Variants in SLC41A3 observed in about 807,000 individuals in gnomAD.
SLC41A3 encodes SLC41A1-like 2.
SLC41A3 carries 44 observed loss-of-function variants against 45.4 expected under a neutral mutation model. The observed-to-expected ratio is 0.97, with a 90% CI of 0.76 to 1.25. SLC41A3 has a LOEUF of 1.25. Among genes scored for constraint, SLC41A3 ranks in the 50% most tolerant of loss-of-function variants. SLC41A3 has a pLI of 0.00. For missense variants in SLC41A3, 550 were observed against 600.6 expected (o/e 0.92, Z 0.88); for synonymous variants, 256 against 252.4 (o/e 1.01, Z -0.13).
chr3:126,030,667 G>A (rs1241177716), intron 4 of SLC41A3, among the ~76,000 whole-genome samples: 1 of 152,190 alleles, frequency 6.6e-6, no homozygotes, highest in East Asian at 1.9e-4. Context: ...GAATGGGTGG[G>A]TGGATGGACA....
At chr3:126,096,501 G>T (rs1292617876) in intron 1 of SLC41A3, among the ~76,000 whole-genome samples, 2 of 152,158 alleles carry the variant, frequency 1.3e-5, no homozygotes, top group Non-Finnish European at 2.9e-5. Context: ...GAAGGTTGTG[G>T]GTTTACCAGA....
intron 1 of SLC41A3, chr3:126,070,230 C>T (rs1944551653): frequency 1.3e-5 from 2 of 152,200 alleles, no homozygotes; most frequent in Admixed American, 6.5e-5. Flanking sequence ...GGGTCCCCAA[C>T]CCCCGTTGGG....
At chr3:126,053,067 C>T (rs1943444868) in intron 2 of SLC41A3, among the ~76,000 whole-genome samples, 2 of 152,230 alleles carry the variant, frequency 1.3e-5, no homozygotes, top group Non-Finnish European at 2.9e-5. Context: ...CATCGGGTAT[C>T]ACACAACCGT....
intron 2 of SLC41A3, chr3:126,058,354 C>T (rs914706408): frequency 2.0e-5 from 3 of 152,304 alleles, no homozygotes; most frequent in African/African-American, 7.2e-5. Context: ...CCAGACCTCT[C>T]CTCTGAGCTT....
intron 1 of SLC41A3, among the ~76,000 whole-genome samples, chr3:126,090,103 A>G (rs1447493932): frequency 6.9e-6 from 1 of 145,004 alleles, no homozygotes; most frequent in Non-Finnish European, 1.5e-5. Context: ...TTTCTCTCTA[A>G]GTTCTCCAAA....
rs1335940197 is a variant in SLC41A3, at chr3:126,007,225, C to T, written c.1255G>A (p.Val419Met). Reference protein sequence around the residue: ...VLYLLAGLIQVTILLYLAEVM... With the variant: ...VLYLLAGLIQMTILLYLAEVM... ...TCTGCGAGGTACAGCAGGATTGTCA[C>T]CTGTCAGAAGGGCAAAGAGACACAA... is the stretch of plus-strand genomic sequence containing the variant. Residue 419 changes from valine (V) to methionine (M), a missense_variant and splice_region_variant, in exon 11 of 11, where the codon GTG (valine) becomes ATG (methionine). Val to Met is a conservative substitution (Grantham distance 21). Coordinates refer to ENST00000360370, the MANE Select transcript of SLC41A3 (RefSeq NM_017836.4). The T allele has an allele frequency of 6.2e-7, 1 of 1,613,616 alleles. No individual in the cohort carries two copies. The highest frequency in any genetic ancestry group is 8.5e-7 in the Non-Finnish European group (1 of 1,179,712).
chr3:126,016,994 G>T, intron 6 of SLC41A3, 119 bp from the exon 7 acceptor site: 2 of 1,257,730 alleles, frequency 1.6e-6, no homozygotes, highest in South Asian at 1.5e-5. Flanking sequence ...CAGTTGAGGG[G>T]GAACTGCCTT....
intron 9 of SLC41A3, among the ~76,000 whole-genome samples, chr3:126,010,324 T>C (rs542345038): frequency 1.1e-4 from 16 of 152,038 alleles, no homozygotes; most frequent in African/African-American, 3.9e-4. Context: ...AATACAAAAT[T>C]AGTTGGGTAT....
chr3:126,012,114 C>T (rs903198185), intron 9 of SLC41A3, among the ~76,000 whole-genome samples: 3 of 152,178 alleles, frequency 2.0e-5, no homozygotes, highest in Admixed American at 6.5e-5. Context: ...TTCAGACTTG[C>T]CACACTCCTT....
At chr3:126,079,224 ACACACACACACACACC>A (rs1012631737) in intron 1 of SLC41A3, among the ~76,000 whole-genome samples, 5 of 136,282 alleles carry the variant, frequency 3.7e-5, no homozygotes, top group Admixed American at 1.4e-4. Context: ...ACACACACAC[ACACACACACACACACC>A]CACACACGAT....
intron 1 of SLC41A3, among the ~76,000 whole-genome samples, chr3:126,093,559 G>A (rs1052465600): frequency 6.6e-6 from 1 of 152,232 alleles, no homozygotes; most frequent in Non-Finnish European, 1.5e-5. Flanking sequence ...GTGGACCCTT[G>A]CCATCAGGGA....
chr3:126,044,147 G>T (rs1254262075), intron 3 of SLC41A3, among the ~76,000 whole-genome samples: 4 of 152,216 alleles, frequency 2.6e-5, no homozygotes, highest in Non-Finnish European at 5.9e-5. Flanking sequence ...GGCAGAGGTG[G>T]CTATGCTAAT....
At chr3:126,034,323 A>G (rs1942029746) in intron 3 of SLC41A3, among the ~76,000 whole-genome samples, 3 of 152,356 alleles carry the variant, frequency 2.0e-5, no homozygotes, top group Non-Finnish European at 4.4e-5. Flanking sequence ...TCCTAACAGC[A>G]TAACACTTAC....
At chr3:126,089,625 A>G (rs898438506) in intron 1 of SLC41A3, among the ~76,000 whole-genome samples, 5 of 152,230 alleles carry the variant, frequency 3.3e-5, no homozygotes, top group African/African-American at 1.2e-4. Context: ...TCCACTTCAT[A>G]TCGTTTGTGG....
At chr3:126,059,243 G>GAAAC in intron 2 of SLC41A3, among the ~76,000 whole-genome samples, 1 of 1,722 alleles carries the variant, frequency 5.8e-4, no homozygotes, top group Middle Eastern at 0.5. Context: ...GAGAAAGAAA[G>GAAAC]AAAGAAAGAA....
chr3:126,033,551 C>A (rs1053407886), intron 4 of SLC41A3, 56 bp downstream of exon 4: 1 of 1,579,812 alleles, frequency 6.3e-7, no homozygotes, highest in Non-Finnish European at 8.6e-7. Context: ...CCCTTCCCAC[C>A]TGGGGAAGCC....
intron 4 of SLC41A3, among the ~76,000 whole-genome samples, chr3:126,032,873 A>G (rs574681646): frequency 1.3e-5 from 2 of 152,290 alleles, no homozygotes; most frequent in African/African-American, 4.8e-5. Flanking sequence ...CAGTGCTGTC[A>G]CAGACCACCC....
At chr3:126,033,560 C>T (rs768498014) in intron 4 of SLC41A3, 47 bp downstream of exon 4, 2 of 1,593,824 alleles carry the variant, frequency 1.3e-6, no homozygotes, top group Admixed American at 3.5e-5. Context: ...CCTGGGGAAG[C>T]CTGGCTGCAG....
Position 126,015,491 on chromosome 3 carries a change from T to C in SLC41A3, c.970+3A>G, listed in dbSNP as rs1374525025. 5 of 1,614,138 alleles carry C rather than the reference T, an allele frequency of 3.1e-6. No individual in the cohort carries two copies. The highest frequency in any genetic ancestry group is 4.2e-6 in the Non-Finnish European group (5 of 1,179,974). ...ACCACATGGGAACCCTTCAAATACG[T>C]ACCACATATGACGGGGGTAAATATC... is the stretch of plus-strand genomic sequence containing the variant. On this transcript the variant is annotated splice_donor_region_variant and intron_variant, in intron 8 of 10. Coordinates refer to ENST00000360370, the MANE Select transcript of SLC41A3 (RefSeq NM_017836.4).
Sources: allele counts gnomAD v4.1 joint callset (sites outside exome capture counted in the v4.1 genomes callset), GRCh38; gene constraint gnomAD v4.1.1; transcripts MANE v1.5; gene names NCBI Gene and HGNC (gene_info 2026-07-23, HGNC 2026-07-21).